The following CA8 variants were observed in gnomAD, a reference collection of about 807,000 sequenced individuals.
CA8 encodes the protein carbonic anhydrase-related protein.
In CA8, 22 loss-of-function variants were observed where a neutral mutation model predicts 41.4. That is an observed-to-expected ratio of 0.53 (90% CI 0.38 to 0.76). The LOEUF is 0.76. CA8 is among the 30% of genes least tolerant of loss of function. The probability of loss-of-function intolerance (pLI) is 0.00; values close to 1 mark genes in which losing one functional copy is unlikely to be tolerated. For synonymous variants in CA8, 121 were observed against 130.6 expected (o/e 0.93, Z 0.50); for missense variants, 270 against 352.8 (o/e 0.77, Z 1.88).
chr8:60,227,338 C>G (rs747527189), intron 4 of CA8, among the ~76,000 whole-genome samples: 4 of 151,726 alleles, frequency 2.6e-5, no homozygotes, highest in Non-Finnish European at 5.9e-5. Flanking sequence ...ATCTGAATGT[C>G]CTTTTTGAGG....
At chr8:60,227,907 A>C (rs1415627357) in intron 4 of CA8, among the ~76,000 whole-genome samples, 1 of 152,246 alleles carries the variant, frequency 6.6e-6, no homozygotes, top group Non-Finnish European at 1.5e-5. Context: ...TAAAACTTTT[A>C]AGTGAAATCT....
chr8:60,262,335 CAAAAAA>C (rs11424117), intron 3 of CA8, among the ~76,000 whole-genome samples: 1 of 109,324 alleles, frequency 9.1e-6, no homozygotes, highest in Non-Finnish European at 1.9e-5. Flanking sequence ...AGCAAAATGG[CAAAAAA>C]AAAAAAAAAA....
intron 7 of CA8, among the ~76,000 whole-genome samples, chr8:60,218,147 C>G (rs1179246492): frequency 6.6e-6 from 1 of 152,182 alleles, no homozygotes; most frequent in African/African-American, 2.4e-5. Context: ...AGACACTTTT[C>G]CCCTGTTGGC....
chr8:60,265,810 A>T, intron 3 of CA8, 115 bp downstream of exon 3: 1 of 1,178,084 alleles, frequency 8.5e-7, no homozygotes, highest in South Asian at 1.3e-5. Flanking sequence ...ATTTTAGTAT[A>T]AACTGATAAA....
At chr8:60,258,431 T>C (rs1803620510) in intron 3 of CA8, among the ~76,000 whole-genome samples, 1 of 152,186 alleles carries the variant, frequency 6.6e-6, no homozygotes, top group Non-Finnish European at 1.5e-5. Flanking sequence ...AAATGTATCC[T>C]CCACAGTTAA....
chr8:60,211,898 A>G (rs949154105), intron 7 of CA8, among the ~76,000 whole-genome samples: 2 of 152,272 alleles, frequency 1.3e-5, no homozygotes, highest in South Asian at 2.1e-4. Context: ...AATGAACAGA[A>G]TAATAGAATA....
chr8:60,223,753 G>A lies in CA8; in HGVS notation c.625+784C>T, dbSNP rs528788798. The stretch of plus-strand genomic sequence containing the variant: ...TATGATGGATAAATGGTTAACATAC[G>A]ATAGAAATTGGTTTGTTGTAGAGCA... On this transcript the variant is annotated intron_variant, in intron 6 of 8. Transcript: ENST00000317995. 4.6e-5 allele frequency among the ~76,000 whole-genome samples: 7 copies of A among 152,322 alleles called. 1 individual carries two copies. Among genetic ancestry groups the A allele is most frequent in the Non-Finnish European group, 8.8e-5 (6 of 68,030 alleles).
chr8:60,212,738 A>C (rs1477520666), intron 7 of CA8, among the ~76,000 whole-genome samples: 1 of 152,236 alleles, frequency 6.6e-6, no homozygotes, highest in Non-Finnish European at 1.5e-5. Context: ...CAGTACCTAT[A>C]GTTAACAATA....
chr8:60,272,556 T>C (rs1179012105), intron 2 of CA8, among the ~76,000 whole-genome samples: 1 of 152,144 alleles, frequency 6.6e-6, no homozygotes, highest in African/African-American at 2.4e-5. Context: ...CCTCTAGAAC[T>C]TTCCATATCT....
chr8:60,193,756 G>A (rs905565614), intron 8 of CA8, among the ~76,000 whole-genome samples: 2 of 152,072 alleles, frequency 1.3e-5, no homozygotes, highest in Admixed American at 1.3e-4. Context: ...TCACAATGAT[G>A]GTGTCTTGGT....
chr8:60,212,588 ACAAT>A (rs1806875017), intron 7 of CA8, among the ~76,000 whole-genome samples: 2 of 152,258 alleles, frequency 1.3e-5, no homozygotes, highest in African/African-American at 4.8e-5. Context: ...GGAATCTAAA[ACAAT>A]CAAACTCTTA....
intron 2 of CA8, among the ~76,000 whole-genome samples, chr8:60,273,340 G>T (rs1444999741): frequency 1.3e-5 from 2 of 152,196 alleles, no homozygotes; most frequent in African/African-American, 4.8e-5. Flanking sequence ...TTGCTCAAAA[G>T]CAAAATGGGT....
chr8:60,237,857 T>TC (rs1330430932), intron 3 of CA8, among the ~76,000 whole-genome samples: 1 of 151,702 alleles, frequency 6.6e-6, no homozygotes, highest in Non-Finnish European at 1.5e-5. Context: ...TTATAACTCT[T>TC]CCCCCCAGCC....
intron 4 of CA8, among the ~76,000 whole-genome samples, chr8:60,228,512 A>G (rs746202159): frequency 6.6e-6 from 1 of 152,170 alleles, no homozygotes; most frequent in Admixed American, 6.5e-5. Flanking sequence ...AGGCCACTCA[A>G]TGTGGTGCTC....
chr8:60,191,867 A>G (rs556538626), intron 8 of CA8, among the ~76,000 whole-genome samples: 2 of 152,256 alleles, frequency 1.3e-5, no homozygotes, highest in South Asian at 4.2e-4. Context: ...AACATTTAGT[A>G]TACATCCACA....
At chr8:60,215,553 A>G (rs1197887233) in intron 7 of CA8, among the ~76,000 whole-genome samples, 1 of 152,120 alleles carries the variant, frequency 6.6e-6, no homozygotes, top group Non-Finnish European at 1.5e-5. Flanking sequence ...TTCCCTAAAC[A>G]CCTATGGAAA....
intron 3 of CA8, among the ~76,000 whole-genome samples, chr8:60,245,145 A>G (rs746399677): frequency 3.3e-5 from 5 of 152,220 alleles, no homozygotes; most frequent in Non-Finnish European, 7.3e-5. Flanking sequence ...CGGCCATGAG[A>G]CAATGCAAAG....
At chr8:60,257,349 T>C (rs545576532) in intron 3 of CA8, among the ~76,000 whole-genome samples, 1 of 152,294 alleles carries the variant, frequency 6.6e-6, no homozygotes, top group South Asian at 2.1e-4. Context: ...AATCCCACCT[T>C]TGATGTTCCC....
intron 8 of CA8, among the ~76,000 whole-genome samples, chr8:60,193,748 A>G (rs1806200977): frequency 6.6e-6 from 1 of 152,052 alleles, no homozygotes; most frequent in Non-Finnish European, 1.5e-5. Flanking sequence ...CTGAAGTTTC[A>G]CAATGATGGT....
Sources: allele counts gnomAD v4.1 joint callset (sites outside exome capture counted in the v4.1 genomes callset), GRCh38; gene constraint gnomAD v4.1.1; transcripts MANE v1.5; gene names NCBI Gene and HGNC (gene_info 2026-07-23, HGNC 2026-07-21).